ADGRV1: variants seen among roughly 807,000 people sequenced by gnomAD.
ADGRV1 encodes adhesion G protein-coupled receptor V1.
In ADGRV1, 359 loss-of-function variants were observed where a neutral mutation model predicts 596.2. The observed-to-expected ratio is 0.60, with a 90% CI of 0.55 to 0.66. The LOEUF (loss-of-function observed/expected upper bound fraction) is 0.66. Among genes scored for constraint, ADGRV1 ranks in the 30% least tolerant of loss-of-function variants. ADGRV1 has a pLI of 0.00. For synonymous variants in ADGRV1, 2,681 were observed against 2,679.2 expected, an observed-to-expected ratio of 1.00 and a Z score of -0.02; for missense variants, 7,274 against 7,575.6, an observed-to-expected ratio of 0.96 and a Z score of 1.48.
intron 85 of ADGRV1, among the ~76,000 whole-genome samples, chr5:90,995,854 C>T (rs1192984506): frequency 1.3e-5 from 2 of 152,174 alleles, no homozygotes; most frequent in African/African-American, 4.8e-5. Flanking sequence ...AGACTGGTGG[C>T]ATTGTGCCCC....
At chr5:91,161,096 C>T (rs956966597) in intron 89 of ADGRV1, among the ~76,000 whole-genome samples, 4 of 152,162 alleles carry the variant, frequency 2.6e-5, no homozygotes, top group South Asian at 2.1e-4. Context: ...TTAAGTCATT[C>T]GGCCTCAGTC....
At chr5:91,090,059 A>G (rs1252148617) in intron 86 of ADGRV1, among the ~76,000 whole-genome samples, 5 of 152,154 alleles carry the variant, frequency 3.3e-5, no homozygotes, top group South Asian at 4.1e-4. Flanking sequence ...TCATAATTCC[A>G]CCTTATGAAA....
At chr5:90,919,390 G>T (rs1165070878) in intron 83 of ADGRV1, among the ~76,000 whole-genome samples, 1 of 152,174 alleles carries the variant, frequency 6.6e-6, no homozygotes, top group East Asian at 1.9e-4. Context: ...GTTGATAAGA[G>T]AAAGTAATAT....
chr5:90,933,823 T>C (rs1198247826), intron 83 of ADGRV1, among the ~76,000 whole-genome samples: 1 of 152,150 alleles, frequency 6.6e-6, no homozygotes, highest in African/African-American at 2.4e-5. Context: ...GTGAGGAATA[T>C]AACTATTTGT....
At chr5:91,025,896 A>G (rs767219629) in intron 85 of ADGRV1, among the ~76,000 whole-genome samples, 13 of 152,198 alleles carry the variant, frequency 8.5e-5, no homozygotes, top group African/African-American at 2.7e-4. Context: ...TCAGTTCTCA[A>G]CAAGGCAAGA....
chr5:91,045,930 C>CA (rs2151291491), intron 85 of ADGRV1, among the ~76,000 whole-genome samples: 1 of 151,824 alleles, frequency 6.6e-6, no homozygotes, highest in Non-Finnish European at 1.5e-5. Flanking sequence ...ATAATAGCTG[C>CA]AAAAAAATAA....
At chr5:91,051,984 A>G (rs1786377532) in intron 85 of ADGRV1, among the ~76,000 whole-genome samples, 1 of 152,232 alleles carries the variant, frequency 6.6e-6, no homozygotes, top group Non-Finnish European at 1.5e-5. Context: ...CTAACCATAG[A>G]CTGAAGACCA....
In ADGRV1 at chr5:91,149,831, C is replaced by CAA. The variant is rs59523008; in HGVS notation, c.18433-182_18433-181dup. The stretch of plus-strand genomic sequence containing the variant: ...TCGGTGACAGAATAAAACTCCAGCT[C>CAA]AAAAAAAAAAAAAAAAAAGAGAAAG... On this transcript the variant is annotated intron_variant, in intron 87 of 89. Transcript: ENST00000405460. Among the ~76,000 whole-genome samples, 1,910 of 85,606 alleles carry CAA rather than the reference C, an allele frequency of 0.022. 88 individuals are homozygous for CAA. The highest frequency in any genetic ancestry group is 0.092 in the East Asian group (263 of 2,858). The allele number at this position is 85,606 out of a possible 152,430, so 56.2% of individuals were successfully genotyped here.
intron 86 of ADGRV1, among the ~76,000 whole-genome samples, chr5:91,081,199 T>A (rs934504766): frequency 1.3e-5 from 2 of 152,100 alleles, no homozygotes; most frequent in East Asian, 3.9e-4. Context: ...AATTCCATCA[T>A]GGGGGCTCCA....
At chr5:90,978,479 A>T (rs542187937) in intron 84 of ADGRV1, among the ~76,000 whole-genome samples, 30 of 152,198 alleles carry the variant, frequency 2.0e-4, no homozygotes, top group Admixed American at 7.2e-4. Context: ...GGGCGCAAAA[A>T]TATAGTTAGG....
In ADGRV1 at chr5:90,986,651, C is replaced by A. The variant is rs1780522935; in HGVS notation, c.18152+1129C>A. ...TCTTTTTATTGAAATTCAAAAGACT[C>A]CCTAATACTGATTATTTTATATTAT... is the stretch of plus-strand genomic sequence containing the variant. On this transcript the variant is annotated intron_variant, in intron 85 of 89. Coordinates refer to ENST00000405460, the MANE Select transcript of ADGRV1 (RefSeq NM_032119.4). Among the ~76,000 whole-genome samples the A allele has an allele frequency of 2.0e-5, 3 of 146,530 alleles. No individual in the cohort carries two copies. In the South Asian group the frequency reaches 6.6e-4, roughly 32 times the overall value.
chr5:90,784,989 T>A (rs1239034566), intron 67 of ADGRV1, among the ~76,000 whole-genome samples: 3 of 152,140 alleles, frequency 2.0e-5, no homozygotes, highest in African/African-American at 7.2e-5. Context: ...ATAACAAAGC[T>A]GGAGGCATCA....
intron 4 of ADGRV1, 33 bp from the exon 5 acceptor site, chr5:90,622,564 C>A: frequency 9.3e-7 from 1 of 1,070,940 alleles, no homozygotes; most frequent in Non-Finnish European, 1.3e-6. Context: ...GATTGCTCAG[C>A]TCCTGATCAT....
intron 77 of ADGRV1, among the ~76,000 whole-genome samples, chr5:90,838,230 A>T (rs755762854): frequency 6.6e-6 from 1 of 152,026 alleles, no homozygotes; most frequent in East Asian, 1.9e-4. Flanking sequence ...AGATGCTCTT[A>T]AAAAGCATTC....
intron 29 of ADGRV1, among the ~76,000 whole-genome samples, chr5:90,689,355 T>C (rs896368704): frequency 2.3e-5 from 3 of 128,942 alleles, no homozygotes; most frequent in Admixed American, 9.0e-5. Flanking sequence ...TTTTTTTTTT[T>C]CTCTCCTGCC....
chr5:90,855,715 A>G, intron 81 of ADGRV1, 26 bp from the exon 82 acceptor site: 1 of 1,516,146 alleles, frequency 6.6e-7, no homozygotes, highest in Non-Finnish European at 8.9e-7. Context: ...GAAAGAGGAA[A>G]AATGACTATT....
intron 1 of ADGRV1, among the ~76,000 whole-genome samples, chr5:90,579,958 T>A (rs1757765717): frequency 6.6e-6 from 1 of 152,206 alleles, no homozygotes; most frequent in Non-Finnish European, 1.5e-5. Flanking sequence ...GCTTTCCATT[T>A]GCTTGGTAGA....
chr5:90,755,397 T>C (rs542822643), intron 55 of ADGRV1, among the ~76,000 whole-genome samples: 1 of 152,322 alleles, frequency 6.6e-6, no homozygotes, highest in South Asian at 2.1e-4. Context: ...ATTACTTGTA[T>C]TTATTCTTGA....
chr5:90,885,831 G>A (rs757762058), intron 83 of ADGRV1, among the ~76,000 whole-genome samples: 6 of 151,804 alleles, frequency 4.0e-5, no homozygotes, highest in Non-Finnish European at 4.4e-5. Context: ...CTTAATACTC[G>A]GGTCTTGAGG....
Sources: allele counts gnomAD v4.1 joint callset (sites outside exome capture counted in the v4.1 genomes callset), GRCh38; gene constraint gnomAD v4.1.1; transcripts MANE v1.5; gene names NCBI Gene and HGNC (gene_info 2026-07-23, HGNC 2026-07-21).